The following RAB3C variants were observed in gnomAD, a reference collection of about 807,000 sequenced individuals.
The protein encoded by RAB3C is ras-related protein Rab-3C.
Under a neutral mutation model 26.4 loss-of-function variants are expected in RAB3C, and 17 were observed. The ratio of observed to expected loss-of-function variants is 0.64; its 90% CI spans 0.44 to 0.97. The LOEUF is 0.97. RAB3C is among the 50% of genes least tolerant of loss of function. RAB3C has a pLI of 0.00. For missense variants in RAB3C, 242 were observed against 281.9 expected (o/e 0.86, Z 1.01); for synonymous variants, 91 against 95.9 (o/e 0.95, Z 0.30).
intron 3 of RAB3C, among the ~76,000 whole-genome samples, chr5:58,780,607 G>A (rs1442087542): frequency 6.6e-6 from 1 of 152,052 alleles, no homozygotes; most frequent in African/African-American, 2.4e-5. Flanking sequence ...CTTATGCACT[G>A]GCTCCAGGTA....
At chr5:58,732,011 C>T (rs1208899251) in intron 3 of RAB3C, among the ~76,000 whole-genome samples, 2 of 151,954 alleles carry the variant, frequency 1.3e-5, no homozygotes, top group African/African-American at 2.4e-5. Flanking sequence ...GCCCTTCAGA[C>T]AGGTGAGTCC....
intron 2 of RAB3C, among the ~76,000 whole-genome samples, chr5:58,667,757 T>C (rs891880718): frequency 6.6e-6 from 1 of 152,188 alleles, no homozygotes; most frequent in Non-Finnish European, 1.5e-5. Context: ...ATCAATAGCA[T>C]TTTAAAATGG....
At chr5:58,719,395 A>G (rs1457859533) in intron 2 of RAB3C, among the ~76,000 whole-genome samples, 2 of 151,992 alleles carry the variant, frequency 1.3e-5, no homozygotes, top group Non-Finnish European at 2.9e-5. Context: ...TGACTTCTCC[A>G]TAGACCACCT....
At chr5:58,619,015 T>G (rs1452045162) in intron 2 of RAB3C, among the ~76,000 whole-genome samples, 1 of 152,194 alleles carries the variant, frequency 6.6e-6, no homozygotes, top group Non-Finnish European at 1.5e-5. Context: ...AAAACAGCCC[T>G]TTATTTAAAA....
intron 3 of RAB3C, among the ~76,000 whole-genome samples, chr5:58,798,953 G>A (rs1436351919): frequency 6.6e-6 from 1 of 152,176 alleles, no homozygotes; most frequent in African/African-American, 2.4e-5. Context: ...AGTTCGGGAG[G>A]AGTCTAAACT....
intron 2 of RAB3C, among the ~76,000 whole-genome samples, chr5:58,710,098 G>A (rs1413896874): frequency 6.6e-6 from 1 of 152,070 alleles, no homozygotes; most frequent in Non-Finnish European, 1.5e-5. Context: ...TTTTTACCAA[G>A]TTAACCACTT....
At chr5:58,732,574 T>C (rs1204527907) in intron 3 of RAB3C, among the ~76,000 whole-genome samples, 1 of 152,108 alleles carries the variant, frequency 6.6e-6, no homozygotes, top group East Asian at 1.9e-4. Flanking sequence ...GCTGGGCAAA[T>C]ATAATCCAAG....
intron 3 of RAB3C, among the ~76,000 whole-genome samples, chr5:58,789,403 A>G (rs1010936803): frequency 2.6e-5 from 4 of 152,200 alleles, no homozygotes; most frequent in South Asian, 2.1e-4. Context: ...TGCTCCTATC[A>G]TTATACATGT....
intron 2 of RAB3C, among the ~76,000 whole-genome samples, chr5:58,626,339 T>G (rs1248175833): frequency 6.6e-6 from 1 of 152,218 alleles, no homozygotes; most frequent in African/African-American, 2.4e-5. Context: ...GGAGATCTAA[T>G]TTAGTCTCAC....
At chr5:58,769,536 A>G (rs1001719310) in intron 3 of RAB3C, among the ~76,000 whole-genome samples, 1 of 152,120 alleles carries the variant, frequency 6.6e-6, no homozygotes, top group Admixed American at 6.5e-5. Context: ...TGACAACCAT[A>G]TCTTTAACAA....
intron 2 of RAB3C, among the ~76,000 whole-genome samples, chr5:58,695,596 C>T (rs549767124): frequency 1.3e-5 from 2 of 152,240 alleles, no homozygotes; most frequent in East Asian, 1.9e-4. Flanking sequence ...TCTTTTATTT[C>T]GTTGAGCAGT....
chr5:58,805,474 A>G (rs1189162062), intron 3 of RAB3C, among the ~76,000 whole-genome samples: 1 of 151,930 alleles, frequency 6.6e-6, no homozygotes, highest in Non-Finnish European at 1.5e-5. Context: ...AATCCCATCT[A>G]CACAGGGGGC....
chr5:58,583,142 T>C lies in RAB3C; in HGVS notation c.-67T>C. On this transcript the variant is annotated 5_prime_UTR_variant, in exon 1 of 5. Transcript: ENST00000282878. ...AGTGTGGAGCGTGGAGCGCCGGGAC[T>C]GTGCACGCTTGACCGGAAGCCCAGA... The C allele has an allele frequency of 6.2e-7, 1 of 1,612,416 alleles. No homozygotes were observed. The highest frequency in any genetic ancestry group is 8.5e-7 in the Non-Finnish European group (1 of 1,179,518).
chr5:58,697,237 G>A (rs1748727110), intron 2 of RAB3C, among the ~76,000 whole-genome samples: 1 of 152,202 alleles, frequency 6.6e-6, no homozygotes, highest in African/African-American at 2.4e-5. Flanking sequence ...GCAGTTTTGA[G>A]TGAGTTTCTT....
At chr5:58,615,993 C>CAG (rs1746817857) in intron 1 of RAB3C, among the ~76,000 whole-genome samples, 1 of 151,542 alleles carries the variant, frequency 6.6e-6, no homozygotes, top group Non-Finnish European at 1.5e-5. Context: ...CAGACACACA[C>CAG]ACACACACAC....
At chr5:58,586,665 A>G (rs1746014376) in intron 1 of RAB3C, among the ~76,000 whole-genome samples, 1 of 152,094 alleles carries the variant, frequency 6.6e-6, no homozygotes, top group Non-Finnish European at 1.5e-5. Context: ...TCACTTCATA[A>G]ATGCAGTCTT....
At chr5:58,786,124 T>C (rs1247073355) in intron 3 of RAB3C, among the ~76,000 whole-genome samples, 1 of 152,260 alleles carries the variant, frequency 6.6e-6, no homozygotes, top group Non-Finnish European at 1.5e-5. Context: ...AAGGTCTTTA[T>C]TGTTATTTGG....
At chr5:58,605,527 G>C (rs1024010673) in intron 1 of RAB3C, among the ~76,000 whole-genome samples, 4 of 152,142 alleles carry the variant, frequency 2.6e-5, no homozygotes, top group East Asian at 1.9e-4. Context: ...CTTGTAATTG[G>C]AGTGACAGAC....
chr5:58,627,235 C>A (rs530286208), intron 2 of RAB3C, among the ~76,000 whole-genome samples: 36 of 152,250 alleles, frequency 2.4e-4, no homozygotes, highest in Non-Finnish European at 4.0e-4. Context: ...CTGATGTCAG[C>A]AGCTTCTGGT....
Sources: allele counts gnomAD v4.1 joint callset (sites outside exome capture counted in the v4.1 genomes callset), GRCh38; gene constraint gnomAD v4.1.1; transcripts MANE v1.5; gene names NCBI Gene and HGNC (gene_info 2026-07-23, HGNC 2026-07-21).